The following ABLIM1 variants were observed in gnomAD, a reference collection of about 807,000 sequenced individuals.
The protein encoded by ABLIM1 is actin binding LIM protein 1, also known as actin-binding LIM protein 1.
In ABLIM1, 40 loss-of-function variants were observed where a neutral mutation model predicts 107.0. That is an observed-to-expected ratio of 0.37 (90% CI 0.29 to 0.49). The LOEUF is 0.49. ABLIM1 is among the 20% of genes least tolerant of loss of function. The pLI is 0.97. For missense variants in ABLIM1, 857 were observed against 1,008.5 expected (o/e 0.85, Z 2.04); for synonymous variants, 357 against 357.3 (o/e 1.00, Z 0.01).
intron 4 of ABLIM1, among the ~76,000 whole-genome samples, chr10:114,568,502 T>G (rs1034765475): frequency 1.3e-5 from 2 of 152,216 alleles, no homozygotes; most frequent in African/African-American, 4.8e-5. Flanking sequence ...AAACAAGTGT[T>G]TTCTAATTAT....
At position 114,619,389 on chromosome 10, in the gene ABLIM1, G is replaced by T. The variant is rs2077328562; in HGVS notation, c.245-17428C>A. Among the ~76,000 whole-genome samples the T allele has an allele frequency of 6.6e-6, 1 of 151,866 alleles. No homozygotes were observed. Among genetic ancestry groups the T allele is most frequent in the Non-Finnish European group, 1.5e-5 (1 of 67,984 alleles). On this transcript the variant is annotated intron_variant, in intron 1 of 22. Transcript: ENST00000533213. The surrounding 1 kb of genome is among the most constrained non-coding windows in gnomAD (Gnocchi z 4.1). The stretch of plus-strand genomic sequence containing the variant: ...TTTTTTTATTTTTAGTAGAGACGAG[G>T]TTTCACTATGTTGCCCAGGCTGGTC...
intron 8 of ABLIM1, among the ~76,000 whole-genome samples, chr10:114,484,389 G>GT (rs1383408812): frequency 3.3e-5 from 5 of 151,764 alleles, no homozygotes; most frequent in African/African-American, 9.7e-5. Context: ...CTGTTCTTTT[G>GT]TTTTTTTTCT....
chr10:114,786,785 C>G, the ABLIM1 span, among the ~76,000 whole-genome samples: 1 of 152,214 alleles, frequency 6.6e-6, no homozygotes, highest in African/African-American at 2.4e-5. Context: ...ATGGAGTCTC[C>G]TTCACTCAGT....
chr10:114,650,925 A>T (rs554665163), intron 1 of ABLIM1, among the ~76,000 whole-genome samples: 9 of 152,208 alleles, frequency 5.9e-5, no homozygotes, highest in Non-Finnish European at 1.2e-4. Flanking sequence ...CTTAGGGCTC[A>T]TAATACCGCT....
At chr10:114,544,901 G>T in intron 6 of ABLIM1, 104 bp downstream of exon 6, 1 of 1,053,762 alleles carries the variant, frequency 9.5e-7, no homozygotes. Context: ...TTCTCCACAG[G>T]TGAAAAAAAG....
At chr10:114,493,415 C>T (rs778651367) in intron 6 of ABLIM1, among the ~76,000 whole-genome samples, 2 of 152,188 alleles carry the variant, frequency 1.3e-5, no homozygotes, top group African/African-American at 4.8e-5. Flanking sequence ...TGTCTTCAAG[C>T]TGATCAAGTG....
Position 114,491,012 on chromosome 10 carries a change from G to GTGTGTATATA in ABLIM1, c.982+778_982+779insTATATACACA. Among the ~76,000 whole-genome samples, 56 of 92,364 alleles carry GTGTGTATATA rather than the reference G, an allele frequency of 6.1e-4. 1 individual carries two copies. Among genetic ancestry groups the GTGTGTATATA allele is most frequent in the South Asian group, 1.6e-3 (4 of 2,460 alleles). The allele number at this position is 92,364 out of a possible 152,430, so 60.6% of individuals were successfully genotyped here. A position where few individuals can be genotyped will look rare whatever the true frequency, so the allele number is the denominator to read the frequency against. On this transcript the variant is annotated intron_variant, in intron 7 of 22. Transcript: ENST00000533213. ...TGTGTGTGTGTGTGTGTGTGTGTGT[G>GTGTGTATATA]TATATATATATATGGTCTATTTTAT...
At chr10:114,491,727 A>C (rs184594170) in intron 7 of ABLIM1, 64 bp downstream of exon 7, 6 of 1,466,170 alleles carry the variant, frequency 4.1e-6, no homozygotes, top group Admixed American at 1.7e-5. Context: ...ACAATCAAAC[A>C]AACATAGCAA....
At chr10:114,453,596 A>C in intron 12 of ABLIM1, 113 bp from the exon 13 acceptor site, 1 of 860,814 alleles carries the variant, frequency 1.2e-6, no homozygotes, top group Non-Finnish European at 1.7e-6. Flanking sequence ...GTTCATCAAA[A>C]AGGAGAAACA....
the ABLIM1 span, among the ~76,000 whole-genome samples, chr10:114,775,693 T>A: frequency 6.6e-6 from 1 of 152,232 alleles, no homozygotes; most frequent in African/African-American, 2.4e-5. Flanking sequence ...ATTATTGAAC[T>A]GCTTCATTTA....
At chr10:114,450,838 A>G (rs377179304) in intron 14 of ABLIM1, among the ~76,000 whole-genome samples, 6 of 152,300 alleles carry the variant, frequency 3.9e-5, no homozygotes, top group African/African-American at 9.6e-5. Flanking sequence ...ATTTTCTGAA[A>G]ACGCCTGAAG....
At chr10:114,763,505 A>G (rs2082802581) in intron 1 of ABLIM1, among the ~76,000 whole-genome samples, 1 of 151,888 alleles carries the variant, frequency 6.6e-6, no homozygotes, top group Admixed American at 6.6e-5. Flanking sequence ...CTCCTGCCTC[A>G]GCCCCCGAGT....
intron 1 of ABLIM1, among the ~76,000 whole-genome samples, chr10:114,667,667 C>T (rs906627616): frequency 1.3e-5 from 2 of 152,224 alleles, no homozygotes; most frequent in African/African-American, 4.8e-5. Flanking sequence ...TTCCTCTGTG[C>T]TCCTTCCCAG....
chr10:114,526,757 TG>T (rs1248602523), intron 6 of ABLIM1: 7 of 985,364 alleles, frequency 7.1e-6, no homozygotes, highest in Non-Finnish European at 8.4e-6. Flanking sequence ...CAAGAGGCTT[TG>T]TAGATGCCAG....
chr10:114,638,076 G>A (rs1026996303), intron 1 of ABLIM1, among the ~76,000 whole-genome samples: 5 of 152,144 alleles, frequency 3.3e-5, no homozygotes, highest in African/African-American at 1.2e-4. Flanking sequence ...TTTGCAAAAG[G>A]TTGTGGGCTC....
chr10:114,589,278 C>A (rs1356939421), intron 2 of ABLIM1, among the ~76,000 whole-genome samples: 1 of 148,800 alleles, frequency 6.7e-6, no homozygotes, highest in Non-Finnish European at 1.5e-5. Flanking sequence ...GCCTATAATC[C>A]CAGAACTGTG....
Position 114,619,734 on chromosome 10 carries a change from A to G in ABLIM1, c.245-17773T>C, listed in dbSNP as rs1164407222. ...AGACTCATAGGGAAAAGTGATCCCA[A>G]CTGAAAAAGCAATTCCAGAAATACC... On this transcript the variant is annotated intron_variant, in intron 1 of 22. Coordinates refer to ENST00000533213, the MANE Select transcript of ABLIM1 (RefSeq NM_002313.7). The surrounding 1 kb of genome is among the most constrained non-coding windows in gnomAD (Gnocchi z 4.1). 6.6e-6 allele frequency among the ~76,000 whole-genome samples: 1 copy of G among 152,214 alleles called. No individual in the cohort carries two copies.
chr10:114,773,293 AAAGAT>A, the ABLIM1 span, among the ~76,000 whole-genome samples: 1 of 152,224 alleles, frequency 6.6e-6, no homozygotes, highest in East Asian at 1.9e-4. Flanking sequence ...CACTAAAAAC[AAAGAT>A]AAGATCTAAA....
At chr10:114,636,506 T>C (rs1235212581) in intron 1 of ABLIM1, among the ~76,000 whole-genome samples, 1 of 152,216 alleles carries the variant, frequency 6.6e-6, no homozygotes, top group East Asian at 1.9e-4. Context: ...TTCTGGTGTT[T>C]AGCAGACAGC....
Sources: gnomAD v4.1 joint callset for allele counts (sites outside exome capture counted in the v4.1 genomes callset) on GRCh38, gnomAD v4.1.1 for gene constraint, Gnocchi (gnomAD v3.1) non-coding constraint, MANE v1.5 for transcripts, NCBI Gene and HGNC (gene_info 2026-07-23, HGNC 2026-07-21) for gene names.